Variants in EYS observed in about 807,000 individuals in gnomAD.
EYS encodes the protein protein eyes shut homolog.
A neutral mutation model predicts 282.1 loss-of-function variants in EYS; 250 were observed. The observed-to-expected ratio is 0.89, with a 90% confidence interval of 0.80 to 0.98. EYS has a LOEUF of 0.98. Ranked by LOEUF, EYS falls within the 50% of genes least tolerant of loss-of-function variation. The pLI, the probability that EYS is intolerant of heterozygous loss-of-function variation, is 0.00. For missense variants in EYS, 4,016 were observed against 3,709.0 expected, an observed-to-expected ratio of 1.08 and a Z score of -2.15; for synonymous variants, 1,355 against 1,282.9, an observed-to-expected ratio of 1.06 and a Z score of -1.20.
chr6:64,341,852 C>T (rs1582625566), intron 29 of EYS, among the ~76,000 whole-genome samples: 1 of 151,490 alleles, frequency 6.6e-6, no homozygotes, highest in African/African-American at 2.4e-5. Flanking sequence ...ACAGAATGGT[C>T]ACCATGATAC....
intron 18 of EYS, among the ~76,000 whole-genome samples, chr6:64,889,763 G>A (rs536171031): frequency 2.0e-4 from 30 of 151,966 alleles, no homozygotes; most frequent in African/African-American, 5.1e-4. Flanking sequence ...GATGTATGTC[G>A]CCTCAGGACC....
chr6:65,166,491 CT>C (rs1027093259), intron 12 of EYS, among the ~76,000 whole-genome samples: 3 of 151,066 alleles, frequency 2.0e-5, no homozygotes, highest in African/African-American at 7.3e-5. Flanking sequence ...ATAGAATATC[CT>C]TTTGGTATTA....
chr6:64,461,520 C>T (rs1051776408), intron 26 of EYS, among the ~76,000 whole-genome samples: 2 of 152,022 alleles, frequency 1.3e-5, no homozygotes, highest in African/African-American at 2.4e-5. Context: ...CTGGTGGTGG[C>T]ATTAGTGGAA....
intron 22 of EYS, among the ~76,000 whole-genome samples, chr6:64,810,884 G>A (rs1362941652): frequency 1.3e-5 from 2 of 151,928 alleles, no homozygotes; most frequent in African/African-American, 2.4e-5. Flanking sequence ...AGCAAAAATA[G>A]TATAAAGATA....
At chr6:65,186,267 C>T (rs1765515195) in intron 12 of EYS, among the ~76,000 whole-genome samples, 1 of 151,674 alleles carries the variant, frequency 6.6e-6, no homozygotes, top group South Asian at 2.1e-4. Context: ...ATTTTGTGCT[C>T]CTGCCAATTT....
intron 12 of EYS, among the ~76,000 whole-genome samples, chr6:65,122,320 A>G (rs1223510114): frequency 6.6e-6 from 1 of 152,134 alleles, no homozygotes; most frequent in Non-Finnish European, 1.5e-5. Flanking sequence ...CCATTCATAC[A>G]TATCACCCCA....
chr6:65,654,632 G>C lies in EYS; in HGVS notation c.-447-14740C>G, dbSNP rs1767757602. Among the ~76,000 whole-genome samples the C allele has an allele frequency of 2.6e-5, 4 of 151,674 alleles. No individual in the cohort carries two copies. The South Asian group carries it at 8.3e-4, about 31-fold the overall frequency. On this transcript the variant is annotated intron_variant, in intron 1 of 42. Coordinates refer to ENST00000503581, the MANE Select transcript of EYS (RefSeq NM_001142800.2). ...GTACTGGGTGTCAAAAGGTTACAGA[G>C]ACATCCCTATACCAGCTGAGAGTCC...
At chr6:63,921,724 T>C (rs1764578599) in intron 35 of EYS, among the ~76,000 whole-genome samples, 1 of 152,216 alleles carries the variant, frequency 6.6e-6, no homozygotes, top group South Asian at 2.1e-4. Context: ...TTGAAATCAA[T>C]AGGAACAATA....
intron 15 of EYS, among the ~76,000 whole-genome samples, chr6:64,913,205 G>C (rs946519909): frequency 6.6e-5 from 10 of 151,922 alleles, no homozygotes; most frequent in African/African-American, 2.2e-4. Flanking sequence ...TCTGTTTTTG[G>C]CTTTGTGTGT....
rs114293187 is a variant in EYS at position 64,870,591 on chromosome 6, C to A, written c.2992+16106G>T. ...AAATGGAAACAAAAAACATAACCAA[C>A]AGAACCTTCCTGAATAATACCTCGT... On this transcript the variant is annotated intron_variant, in intron 19 of 42. Coordinates refer to ENST00000503581, the MANE Select transcript of EYS (RefSeq NM_001142800.2). Among the ~76,000 whole-genome samples, 314 of 151,754 alleles carry A rather than the reference C, an allele frequency of 2.1e-3. 2 individuals are homozygous for A. Among genetic ancestry groups the A allele is most frequent in the African/African-American group, 7.2e-3 (300 of 41,494 alleles).
chr6:65,292,416 A>C (rs1029363550), intron 12 of EYS, among the ~76,000 whole-genome samples: 1 of 151,730 alleles, frequency 6.6e-6, no homozygotes, highest in Non-Finnish European at 1.5e-5. Flanking sequence ...GGAAGCAATC[A>C]AGGGTAAAAA....
intron 12 of EYS, among the ~76,000 whole-genome samples, chr6:65,142,781 T>C (rs1764379496): frequency 6.6e-6 from 1 of 151,972 alleles, no homozygotes; most frequent in Admixed American, 6.6e-5. Context: ...TTTATGGTAT[T>C]TTTCCTGACT....
chr6:64,202,248 G>C (rs1765479588), intron 31 of EYS, among the ~76,000 whole-genome samples: 1 of 152,126 alleles, frequency 6.6e-6, no homozygotes, highest in South Asian at 2.1e-4. Flanking sequence ...TCCCTGGAGA[G>C]GGAGACCAAA....
At chr6:65,459,471 A>C (rs975594412) in intron 5 of EYS, among the ~76,000 whole-genome samples, 1 of 152,068 alleles carries the variant, frequency 6.6e-6, no homozygotes, top group Non-Finnish European at 1.5e-5. Flanking sequence ...AACTTTCAAA[A>C]TCAATATTTG....
chr6:63,937,421 C>T (rs1765101414), intron 35 of EYS, among the ~76,000 whole-genome samples: 1 of 111,580 alleles, frequency 9.0e-6, no homozygotes, highest in Admixed American at 1.2e-4. Flanking sequence ...CACTTTGTTG[C>T]CCAGGCTGGA....
chr6:65,257,387 G>T (rs1767497687), intron 12 of EYS, among the ~76,000 whole-genome samples: 2 of 114,234 alleles, frequency 1.8e-5, no homozygotes, highest in Admixed American at 8.3e-5. Flanking sequence ...TTTCTTCTAG[G>T]GTTTTTATGG....
chr6:63,775,198 T>C (rs1770035429), intron 40 of EYS, among the ~76,000 whole-genome samples: 2 of 152,166 alleles, frequency 1.3e-5, no homozygotes, highest in Non-Finnish European at 2.9e-5. Context: ...CTTTCATCAC[T>C]TCACCAGGGT....
At chr6:65,457,053 T>A (rs972495858) in intron 5 of EYS, among the ~76,000 whole-genome samples, 1 of 152,230 alleles carries the variant, frequency 6.6e-6, no homozygotes, top group Non-Finnish European at 1.5e-5. Flanking sequence ...AATAAATCTA[T>A]GCAGATGGAA....
chr6:64,379,443 T>C lies in EYS; in HGVS notation c.6078+9247A>G, dbSNP rs1288673537. 3 of 152,336 alleles carry C rather than the reference T, an allele frequency of 2.0e-5. No homozygotes were observed. In the East Asian group the frequency reaches 5.8e-4, roughly 29 times the overall value. 9.4% of individuals were successfully genotyped at this position (152,336 alleles called of 1,614,324 possible). A position where few individuals can be genotyped will look rare whatever the true frequency, so the allele number is the denominator to read the frequency against. On this transcript the variant is annotated intron_variant, in intron 29 of 42. Transcript: ENST00000503581. The stretch of plus-strand genomic sequence containing the variant: ...ACTTGCAAGGGAATATTGATGGACT[T>C]TGATTTGATAAATCTATTAACATAG...
Sources: gnomAD v4.1 joint callset for allele counts (sites outside exome capture counted in the v4.1 genomes callset) on GRCh38, gnomAD v4.1.1 for gene constraint, MANE v1.5 for transcripts, NCBI Gene and HGNC (gene_info 2026-07-23, HGNC 2026-07-21) for gene names.